Variants in COBL observed in about 807,000 individuals in gnomAD.
The protein encoded by COBL is protein cordon-bleu.
COBL carries 51 observed loss-of-function variants against 98.8 expected under a neutral mutation model. The observed-to-expected ratio is 0.52, with a 90% CI of 0.41 to 0.65. The LOEUF (loss-of-function observed/expected upper bound fraction) is 0.65. Among genes scored for constraint, COBL ranks in the 30% least tolerant of loss-of-function variants. The probability of loss-of-function intolerance (pLI) is 0.00; values close to 1 mark genes in which losing one functional copy is unlikely to be tolerated. For missense variants in COBL, 1,617 were observed against 1,617.5 expected (o/e 1.00, Z 0.01); for synonymous variants, 634 against 651.7 (o/e 0.97, Z 0.41).
intron 6 of COBL, among the ~76,000 whole-genome samples, chr7:51,126,782 AT>A (rs1411598318): frequency 6.6e-6 from 1 of 151,998 alleles, no homozygotes; most frequent in African/African-American, 2.4e-5. Flanking sequence ...ATGCTGCCCT[AT>A]TTGCTCTCCA....
chr7:51,049,740 T>C lies in COBL; in HGVS notation c.1097-6048A>G, dbSNP rs28566812. 4.2e-3 allele frequency among the ~76,000 whole-genome samples: 642 copies of C among 152,292 alleles called. 7 individuals carry two copies. Among genetic ancestry groups the C allele is most frequent in the African/African-American group, 0.015 (614 of 41,558 alleles). On this transcript the variant is annotated intron_variant, in intron 7 of 12. Transcript: ENST00000265136. Reference sequence around the variant, plus strand: ...AAAAGCAGAGAAATGCCAGGCTGCATGAGAAACATCAAATACTGTTGAGTG... The same window carrying C: ...AAAAGCAGAGAAATGCCAGGCTGCACGAGAAACATCAAATACTGTTGAGTG...
rs1794356177 is a variant in COBL at position 51,227,867 on chromosome 7, CA to C, written c.42-7924del. On this transcript the variant is annotated intron_variant, in intron 1 of 12. Coordinates refer to ENST00000265136, the MANE Select transcript of COBL (RefSeq NM_015198.5). ...TCCCCACTGTCTTGGCCCCTGCAAA[CA>C]AAACGGAAAGCCAGAAAAACAGTCA... Among the ~76,000 whole-genome samples the C allele has an allele frequency of 2.0e-5, 3 of 152,102 alleles. No homozygotes were observed. The South Asian group carries it at 6.2e-4, about 32-fold the overall frequency.
In COBL at chr7:51,028,835, G is replaced by A. The variant is rs149772928; in HGVS notation, c.2261C>T (p.Ser754Leu). ...CTGAGATTCTGCTTCAGGCACAGAC[G>A]AAGACAGGGAAATGATCCTGATGCC... ...ATGIRIISLS[S>L]SVPEAESQPI... Residue 754 changes from serine (S) to leucine (L), a missense_variant, in exon 10 of 13, where the codon TCG (serine) becomes TTG (leucine). Ser to Leu is a moderately radical substitution (Grantham distance 145). This residue lies in a region of COBL where 1,304 missense variants were observed against 1,282.0 expected (regional missense o/e 1.02). Transcript: ENST00000265136. 1.1e-5 allele frequency: 17 copies of A among 1,614,092 alleles called. No homozygotes were observed. The highest frequency in any genetic ancestry group is 3.3e-5 in the South Asian group (3 of 91,090).
intron 1 of COBL, among the ~76,000 whole-genome samples, chr7:51,281,455 C>G (rs1799811346): frequency 6.6e-6 from 1 of 151,632 alleles, no homozygotes; most frequent in African/African-American, 2.4e-5. Flanking sequence ...TTCAGCAAAC[C>G]CTATACAGGA....
intron 1 of COBL, among the ~76,000 whole-genome samples, chr7:51,221,640 T>C (rs558374138): frequency 6.6e-6 from 1 of 152,340 alleles, no homozygotes; most frequent in South Asian, 2.1e-4. Flanking sequence ...ATTATAGCAA[T>C]GGATCATATA....
intron 1 of COBL, among the ~76,000 whole-genome samples, chr7:51,232,583 G>A (rs527908905): frequency 2.0e-4 from 31 of 152,180 alleles, no homozygotes; most frequent in East Asian, 7.7e-4. Context: ...AGGCCAAGGC[G>A]GGCGGATCAT....
intron 6 of COBL, among the ~76,000 whole-genome samples, chr7:51,118,570 C>T (rs184940551): frequency 6.6e-6 from 1 of 151,524 alleles, no homozygotes; most frequent in Non-Finnish European, 1.5e-5. Flanking sequence ...AAGCAAGTTC[C>T]AAATTCCAAT....
At chr7:51,050,240 T>C (rs772805305) in intron 7 of COBL, among the ~76,000 whole-genome samples, 1 of 152,218 alleles carries the variant, frequency 6.6e-6, no homozygotes, top group African/African-American at 2.4e-5. Flanking sequence ...AGTGATGTAT[T>C]CTTGGTATCA....
intron 2 of COBL, among the ~76,000 whole-genome samples, chr7:51,207,021 C>G (rs552559392): frequency 1.3e-5 from 2 of 152,266 alleles, no homozygotes; most frequent in South Asian, 4.1e-4. Flanking sequence ...AGTGTTCTCA[C>G]TACACACACA....
At chr7:51,054,980 T>C (rs948667151) in intron 7 of COBL, among the ~76,000 whole-genome samples, 1 of 152,142 alleles carries the variant, frequency 6.6e-6, no homozygotes, top group African/African-American at 2.4e-5. Context: ...TGGAGCAGCC[T>C]GGAGAGTTGA....
At chr7:51,287,871 G>C (rs1347834009) in intron 1 of COBL, among the ~76,000 whole-genome samples, 1 of 152,170 alleles carries the variant, frequency 6.6e-6, no homozygotes, top group African/African-American at 2.4e-5. Flanking sequence ...ACTACTGACA[G>C]TTGACTGAAA....
At chr7:51,086,753 A>G (rs144503996) in intron 6 of COBL, among the ~76,000 whole-genome samples, 23 of 152,298 alleles carry the variant, frequency 1.5e-4, no homozygotes, top group Non-Finnish European at 2.5e-4. Context: ...CACTTTATTA[A>G]TACTCAAACT....
intron 7 of COBL, among the ~76,000 whole-genome samples, chr7:51,062,446 G>A (rs1401462430): frequency 1.3e-5 from 2 of 152,154 alleles, no homozygotes; most frequent in Non-Finnish European, 2.9e-5. Context: ...CAGAGCCATG[G>A]TGTCCCGGCG....
intron 1 of COBL, among the ~76,000 whole-genome samples, chr7:51,269,682 C>T (rs554909928): frequency 6.6e-5 from 10 of 152,348 alleles, no homozygotes; most frequent in East Asian, 3.9e-4. Flanking sequence ...TTCACCATAA[C>T]GACCCTGTAT....
chr7:51,047,822 A>G (rs73353844), intron 7 of COBL, among the ~76,000 whole-genome samples: 1 of 152,320 alleles, frequency 6.6e-6, no homozygotes, highest in South Asian at 2.1e-4. Context: ...GAAAAATTAC[A>G]AGGTAAAGTG....
At chr7:51,017,690 C>T in intron 12 of COBL, 122 bp from the exon 13 acceptor site, 1 of 1,037,724 alleles carries the variant, frequency 9.6e-7, no homozygotes, top group Non-Finnish European at 1.5e-6. Flanking sequence ...ACCCCCTTCC[C>T]AGTTCCTTTG....
At chr7:51,023,963 T>C (rs892840542) in intron 12 of COBL, among the ~76,000 whole-genome samples, 4 of 152,192 alleles carry the variant, frequency 2.6e-5, no homozygotes, top group African/African-American at 9.6e-5. Context: ...TAGCACCGAA[T>C]GCTTGGGTAC....
At chr7:51,163,516 C>G (rs1787017194) in intron 5 of COBL, among the ~76,000 whole-genome samples, 1 of 152,184 alleles carries the variant, frequency 6.6e-6, no homozygotes, top group Non-Finnish European at 1.5e-5. Flanking sequence ...GGCTTGAAAC[C>G]CAGTATATTC....
intron 6 of COBL, among the ~76,000 whole-genome samples, 200 bp from the exon 7 acceptor site, chr7:51,085,504 G>A (rs1794145330): frequency 6.6e-6 from 1 of 152,216 alleles, no homozygotes; most frequent in South Asian, 2.1e-4. Flanking sequence ...ACCAGCGGAT[G>A]TCCAAGGAGT....
Sources: allele counts gnomAD v4.1 joint callset (sites outside exome capture counted in the v4.1 genomes callset), GRCh38; gene constraint gnomAD v4.1.1; regional missense constraint gnomAD v4.1.1; transcripts MANE v1.5; gene names NCBI Gene and HGNC (gene_info 2026-07-23, HGNC 2026-07-21).